The following KCNH7 variants were observed in gnomAD, a reference collection of about 807,000 sequenced individuals.
The protein encoded by KCNH7 is potassium voltage-gated channel subfamily H member 7.
A neutral mutation model predicts 120.8 loss-of-function variants in KCNH7; 49 were observed. The ratio of observed to expected loss-of-function variants is 0.41; its 90% CI spans 0.32 to 0.51. KCNH7 has a LOEUF of 0.51. Ranked by LOEUF, KCNH7 falls within the 20% of genes least tolerant of loss-of-function variation. KCNH7 has a pLI of 0.38. For synonymous variants in KCNH7, 547 were observed against 516.1 expected (o/e 1.06, Z -0.81); for missense variants, 1,097 against 1,446.6 (o/e 0.76, Z 3.92).
intron 13 of KCNH7, among the ~76,000 whole-genome samples, chr2:162,383,009 A>T (rs1026474307): frequency 6.6e-6 from 1 of 151,994 alleles, no homozygotes; most frequent in Non-Finnish European, 1.5e-5. Flanking sequence ...TTAGAATATA[A>T]TTTTTTGTGT....
chr2:162,717,052 T>C (rs1416566280), intron 2 of KCNH7, among the ~76,000 whole-genome samples: 3 of 152,144 alleles, frequency 2.0e-5, no homozygotes, highest in Non-Finnish European at 4.4e-5. Flanking sequence ...AAATGGCAGC[T>C]GTTGCAGAGA....
chr2:162,645,564 A>G (rs1050994790), intron 2 of KCNH7, among the ~76,000 whole-genome samples: 3 of 152,204 alleles, frequency 2.0e-5, no homozygotes, highest in Admixed American at 6.5e-5. Flanking sequence ...TATCATCTCT[A>G]TAAACGTTAA....
intron 3 of KCNH7, among the ~76,000 whole-genome samples, chr2:162,521,838 A>C (rs58924992): frequency 0.23 from 34,242 of 151,734 alleles, 7,593 homozygotes; most frequent in African/African-American, 0.57. Flanking sequence ...TACCAAACAC[A>C]AGATCTAATT....
chr2:162,602,159 G>C (rs1053883597), intron 2 of KCNH7, among the ~76,000 whole-genome samples: 7 of 152,074 alleles, frequency 4.6e-5, no homozygotes, highest in Non-Finnish European at 8.8e-5. Context: ...TGAGGGAAAA[G>C]ATCCAGTAAG....
intron 2 of KCNH7, among the ~76,000 whole-genome samples, chr2:162,542,823 C>T (rs575132990): frequency 6.6e-6 from 1 of 152,204 alleles, no homozygotes; most frequent in Admixed American, 6.5e-5. Context: ...GAGGAATCGC[C>T]ACACTGTCTT....
intron 6 of KCNH7, among the ~76,000 whole-genome samples, chr2:162,499,261 A>G (rs1221913848): frequency 6.6e-6 from 1 of 152,164 alleles, no homozygotes; most frequent in Non-Finnish European, 1.5e-5. Context: ...AATATAGCCA[A>G]TAATTTGATC....
chr2:162,605,633 G>T (rs1682730070), intron 2 of KCNH7, among the ~76,000 whole-genome samples: 1 of 152,044 alleles, frequency 6.6e-6, no homozygotes, highest in South Asian at 2.1e-4. Flanking sequence ...TTCTTGTTTT[G>T]ATTTCTAGAT....
intron 6 of KCNH7, among the ~76,000 whole-genome samples, chr2:162,498,908 A>G (rs1180818381): frequency 3.3e-5 from 5 of 151,980 alleles, no homozygotes; most frequent in African/African-American, 1.2e-4. Flanking sequence ...CTTTCTCTGT[A>G]CCTTTCAGTA....
intron 2 of KCNH7, among the ~76,000 whole-genome samples, chr2:162,659,706 AT>A (rs1037514044): frequency 2.6e-5 from 4 of 152,026 alleles, no homozygotes; most frequent in Non-Finnish European, 4.4e-5. Flanking sequence ...CTGTTGAAGT[AT>A]TTTTTATCTA....
intron 2 of KCNH7, among the ~76,000 whole-genome samples, chr2:162,793,204 C>T (rs72875464): frequency 0.07 from 10,625 of 151,956 alleles, 535 homozygotes; most frequent in East Asian, 0.24. Flanking sequence ...GGACAGAAAA[C>T]TAAATACCAT....
At chr2:162,723,611 A>G (rs1383158268) in intron 2 of KCNH7, among the ~76,000 whole-genome samples, 1 of 152,210 alleles carries the variant, frequency 6.6e-6, no homozygotes. Flanking sequence ...TCATTTTTCT[A>G]TAGAGTCACA....
intron 2 of KCNH7, among the ~76,000 whole-genome samples, chr2:162,684,415 C>T (rs1195331320): frequency 6.6e-6 from 1 of 152,028 alleles, no homozygotes; most frequent in Non-Finnish European, 1.5e-5. Flanking sequence ...AACAGGCAAC[C>T]TACGGAAAGG....
intron 2 of KCNH7, among the ~76,000 whole-genome samples, chr2:162,673,316 A>T (rs899700310): frequency 6.6e-6 from 1 of 152,134 alleles, no homozygotes; most frequent in East Asian, 1.9e-4. Flanking sequence ...ATAGCAAATC[A>T]TATCTAGCAA....
At chr2:162,439,273 T>C (rs1159272002) in intron 7 of KCNH7, among the ~76,000 whole-genome samples, 1 of 152,170 alleles carries the variant, frequency 6.6e-6, no homozygotes, top group Non-Finnish European at 1.5e-5. Flanking sequence ...AAAAATATTG[T>C]CTGTTTATTG....
At chr2:162,684,408 A>G (rs1685814398) in intron 2 of KCNH7, among the ~76,000 whole-genome samples, 1 of 152,188 alleles carries the variant, frequency 6.6e-6, no homozygotes. Flanking sequence ...CAGAGTGAAC[A>G]GGCAACCTAC....
At chr2:162,432,232 T>C (rs1273894928) in intron 8 of KCNH7, among the ~76,000 whole-genome samples, 1 of 152,058 alleles carries the variant, frequency 6.6e-6, no homozygotes, top group Non-Finnish European at 1.5e-5. Context: ...CTCTGTGTTC[T>C]GTCTCTCTGG....
intron 2 of KCNH7, among the ~76,000 whole-genome samples, chr2:162,552,036 A>C (rs1473057748): frequency 6.6e-6 from 1 of 152,212 alleles, no homozygotes; most frequent in African/African-American, 2.4e-5. Flanking sequence ...GAAAGAAAAT[A>C]GAAATAAAAC....
At chr2:162,466,661 C>T (rs1290511487) in intron 6 of KCNH7, among the ~76,000 whole-genome samples, 2 of 152,170 alleles carry the variant, frequency 1.3e-5, no homozygotes, top group African/African-American at 4.8e-5. Flanking sequence ...CAAGTGCCAT[C>T]TGAGGCTGCC....
intron 5 of KCNH7, among the ~76,000 whole-genome samples, chr2:162,509,132 T>C (rs1443758096): frequency 2.0e-5 from 3 of 151,452 alleles, no homozygotes; most frequent in African/African-American, 7.3e-5. Context: ...TACAAAGAAA[T>C]ACCTACATTT....
Sources: allele counts gnomAD v4.1 joint callset (sites outside exome capture counted in the v4.1 genomes callset), GRCh38; gene constraint gnomAD v4.1.1; transcripts MANE v1.5; gene names NCBI Gene and HGNC (gene_info 2026-07-23, HGNC 2026-07-21).